CLVS1: variants seen among roughly 807,000 people sequenced by gnomAD.
CLVS1 encodes the protein clavesin-1.
In CLVS1, 10 loss-of-function variants were observed where a neutral mutation model predicts 33.1. The observed-to-expected ratio is 0.30, with a 90% CI of 0.19 to 0.51. The LOEUF (loss-of-function observed/expected upper bound fraction) is 0.51. Among genes scored for constraint, CLVS1 ranks in the 20% least tolerant of loss-of-function variants. The pLI, the probability that CLVS1 is intolerant of heterozygous loss-of-function variation, is 0.97. For synonymous variants in CLVS1, 163 were observed against 166.1 expected, an observed-to-expected ratio of 0.98 and a Z score of 0.14; for missense variants, 343 against 433.4, an observed-to-expected ratio of 0.79 and a Z score of 1.85.
chr8:61,093,781 C>G lies in CLVS1; in HGVS notation c.-243+36551C>G, dbSNP rs116672801. On this transcript the variant is annotated intron_variant, in intron 1 of 2. Transcript: ENST00000522621. ...ACTGCATTTATGTGTGCGTCCAGCT[C>G]TCTTCAGCTACCTTAGCTATGCTTT... is the stretch of plus-strand genomic sequence containing the variant. 6.4e-3 allele frequency among the ~76,000 whole-genome samples: 970 copies of G among 152,358 alleles called. 10 individuals are homozygous for G. The highest frequency in any genetic ancestry group is 0.022 in the African/African-American group (926 of 41,574).
intron 3 of CLVS1, among the ~76,000 whole-genome samples, chr8:61,395,279 G>A (rs1386537364): frequency 1.3e-5 from 2 of 152,176 alleles, no homozygotes; most frequent in African/African-American, 2.4e-5. Context: ...AAACTAGAAA[G>A]GTGGTTACCA....
At chr8:61,199,375 A>G (rs1012981335) in intron 2 of CLVS1, among the ~76,000 whole-genome samples, 1 of 152,228 alleles carries the variant, frequency 6.6e-6, no homozygotes, top group African/African-American at 2.4e-5. Flanking sequence ...AAGGACTAAT[A>G]TCCAGAATCT....
intron 2 of CLVS1, among the ~76,000 whole-genome samples, chr8:61,185,162 G>A (rs968799937): frequency 4.8e-5 from 6 of 124,310 alleles, no homozygotes; most frequent in Non-Finnish European, 1.0e-4. Flanking sequence ...TTTGTTTTTT[G>A]TGACAAGATC....
chr8:61,424,521 T>G (rs1419759079), intron 3 of CLVS1, among the ~76,000 whole-genome samples: 1 of 152,256 alleles, frequency 6.6e-6, no homozygotes, highest in Admixed American at 6.5e-5. Context: ...TAGTAGTCTA[T>G]GTAGACTTGC....
chr8:61,149,867 T>A (rs1806493422), intron 2 of CLVS1, among the ~76,000 whole-genome samples: 1 of 152,196 alleles, frequency 6.6e-6, no homozygotes, highest in South Asian at 2.1e-4. Context: ...ATATATTTTA[T>A]ACTTAAAATT....
At chr8:61,225,837 A>G (rs1207383277) in intron 2 of CLVS1, among the ~76,000 whole-genome samples, 1 of 152,174 alleles carries the variant, frequency 6.6e-6, no homozygotes, top group Non-Finnish European at 1.5e-5. Context: ...TTGGGCTTCA[A>G]CTCAGTTTAT....
intron 3 of CLVS1, among the ~76,000 whole-genome samples, chr8:61,432,887 A>G (rs1816168974): frequency 6.6e-6 from 1 of 152,052 alleles, no homozygotes; most frequent in Non-Finnish European, 1.5e-5. Flanking sequence ...TTCCAAAGAG[A>G]GTTTTGAGGA....
chr8:61,090,632 A>G (rs1467322280), intron 1 of CLVS1, among the ~76,000 whole-genome samples: 1 of 152,132 alleles, frequency 6.6e-6, no homozygotes, highest in Non-Finnish European at 1.5e-5. Flanking sequence ...TGCATTTGGA[A>G]GTTGGTGGGG....
chr8:61,415,241 C>T (rs1815384360), intron 3 of CLVS1, among the ~76,000 whole-genome samples: 1 of 152,212 alleles, frequency 6.6e-6, no homozygotes. Flanking sequence ...CCTAACACTT[C>T]CCTGAGGGTA....
At chr8:61,240,611 A>G (rs1808678200) in intron 2 of CLVS1, among the ~76,000 whole-genome samples, 1 of 152,224 alleles carries the variant, frequency 6.6e-6, no homozygotes, top group African/African-American at 2.4e-5. Context: ...CAGTGCCTAC[A>G]TTCACCTTAA....
At chr8:61,452,935 C>G (rs1817013857) in intron 3 of CLVS1, among the ~76,000 whole-genome samples, 1 of 151,586 alleles carries the variant, frequency 6.6e-6, no homozygotes, top group Non-Finnish European at 1.5e-5. Flanking sequence ...CCTGTAGACT[C>G]AAAGGGCTCT....
intron 2 of CLVS1, among the ~76,000 whole-genome samples, chr8:61,340,996 A>G (rs10100364): frequency 0.38 from 57,863 of 152,102 alleles, 13,398 homozygotes; most frequent in East Asian, 0.64. Flanking sequence ...TTTATAACTC[A>G]GTAGCCATGC....
chr8:61,149,564 A>AAAAC (rs1806485291), intron 2 of CLVS1, among the ~76,000 whole-genome samples: 1 of 149,716 alleles, frequency 6.7e-6, no homozygotes, highest in African/African-American at 2.5e-5. Context: ...AAAAAAAAAA[A>AAAAC]AAAACAAAAA....
chr8:61,165,532 G>C (rs1405181595), intron 2 of CLVS1, among the ~76,000 whole-genome samples: 1 of 152,116 alleles, frequency 6.6e-6, no homozygotes, highest in Non-Finnish European at 1.5e-5. Context: ...GATTGGTTGG[G>C]TGTGAGCTAA....
intron 3 of CLVS1, among the ~76,000 whole-genome samples, chr8:61,398,400 A>G (rs896036981): frequency 6.6e-6 from 1 of 151,986 alleles, no homozygotes; most frequent in African/African-American, 2.4e-5. Context: ...CAGGCTGGTC[A>G]GTAACTCCTG....
rs1379156477 is a variant in CLVS1, at chr8:61,269,002, G to A, written c.-151-30675G>A. 2.9e-5 allele frequency among the ~76,000 whole-genome samples: 4 copies of A among 136,882 alleles called. No homozygotes were observed. The East Asian group carries it at 6.5e-4, about 22-fold the overall frequency. The allele number at this position is 136,882 out of a possible 152,430, so 89.8% of individuals were successfully genotyped here. Reference sequence around the variant, plus strand: ...CTCTGATGGTAGTTTCTTTTGCTGTGCAGAAGCTCTTTAGTTTAATTAGAT... The same window carrying A: ...CTCTGATGGTAGTTTCTTTTGCTGTACAGAAGCTCTTTAGTTTAATTAGAT... On this transcript the variant is annotated intron_variant, in intron 2 of 2. Coordinates refer to the CLVS1 transcript ENST00000522621.
At chr8:61,278,913 C>T (rs114992903) in intron 2 of CLVS1, among the ~76,000 whole-genome samples, 1,820 of 152,270 alleles carry the variant, frequency 0.012, 42 homozygotes, top group African/African-American at 0.042. Flanking sequence ...GCATTGACAG[C>T]ACAAGCTTGG....
intron 1 of CLVS1, among the ~76,000 whole-genome samples, chr8:61,085,583 G>A (rs1339433965): frequency 1.3e-5 from 2 of 152,144 alleles, no homozygotes; most frequent in Non-Finnish European, 2.9e-5. Flanking sequence ...AAACAAAGGA[G>A]AATGTAACAA....
chr8:61,420,327 C>T (rs1397221650), intron 3 of CLVS1, among the ~76,000 whole-genome samples: 4 of 152,172 alleles, frequency 2.6e-5, no homozygotes, highest in Non-Finnish European at 4.4e-5. Context: ...TGGCCGGGTG[C>T]GGTGGCTCAC....
Sources: allele counts gnomAD v4.1 joint callset (sites outside exome capture counted in the v4.1 genomes callset), GRCh38; gene constraint gnomAD v4.1.1; transcripts MANE v1.5; gene names NCBI Gene and HGNC (gene_info 2026-07-23, HGNC 2026-07-21).